The following PLEKHA6 variants were observed in gnomAD, a reference collection of about 807,000 sequenced individuals.
PLEKHA6 encodes pleckstrin homology domain-containing family A member 6.
PLEKHA6 carries 60 observed loss-of-function variants against 116.7 expected under a neutral mutation model. The ratio of observed to expected loss-of-function variants is 0.51; its 90% CI spans 0.42 to 0.64. The LOEUF (loss-of-function observed/expected upper bound fraction) is 0.64. PLEKHA6 is among the 30% of genes least tolerant of loss of function. The pLI is 0.00. For missense variants in PLEKHA6, 1,338 were observed against 1,422.7 expected, an observed-to-expected ratio of 0.94 and a Z score of 0.96; for synonymous variants, 489 against 556.1, an observed-to-expected ratio of 0.88 and a Z score of 1.70.
At chr1:204,356,432 T>C (rs549830869) in intron 1 of PLEKHA6, among the ~76,000 whole-genome samples, 1 of 152,118 alleles carries the variant, frequency 6.6e-6, no homozygotes, top group East Asian at 1.9e-4. Context: ...CCAGGTATGG[T>C]GACATGCACC....
In PLEKHA6 at chr1:204,241,494, A is replaced by C; in HGVS notation, c.2303-13T>G. The C allele has an allele frequency of 6.4e-7, 1 of 1,564,280 alleles. No individual in the cohort carries two copies. The highest frequency in any genetic ancestry group is 8.7e-7 in the Non-Finnish European group (1 of 1,150,546). On this transcript the variant is annotated splice_polypyrimidine_tract_variant and intron_variant, in intron 16 of 22. Coordinates refer to ENST00000272203, the MANE Select transcript of PLEKHA6 (RefSeq NM_014935.5). ...GGCACAACGCCAACTGCAGAAAGACAGAGTAGCCAGTGGGCCTCATGGAGA... is the reference window on the plus strand; with the variant it reads ...GGCACAACGCCAACTGCAGAAAGACCGAGTAGCCAGTGGGCCTCATGGAGA...
At chr1:204,298,769 T>G (rs1670534619) in intron 1 of PLEKHA6, among the ~76,000 whole-genome samples, 2 of 152,228 alleles carry the variant, frequency 1.3e-5, no homozygotes, top group Non-Finnish European at 2.9e-5. Context: ...TGTGGTTACA[T>G]GGGGTAGCCA....
intron 6 of PLEKHA6, chr1:204,262,219 G>A (rs1260740677): frequency 6.6e-6 from 1 of 152,386 alleles, no homozygotes; most frequent in Non-Finnish European, 1.5e-5. Context: ...ACCAAGGGGT[G>A]GGGAGTGGAG....
intron 1 of PLEKHA6, among the ~76,000 whole-genome samples, chr1:204,286,180 G>A (rs1381163659): frequency 6.6e-6 from 1 of 152,182 alleles, no homozygotes; most frequent in Admixed American, 6.5e-5. Flanking sequence ...GATAACCGGG[G>A]CTTACAGAGG....
rs1230061452 is a variant in PLEKHA6 at position 204,264,932 on chromosome 1, G to A, written c.381+10C>T. ...TCCCCACCTGCCCTGGGAAGGGAAG[G>A]CCAACTGACCTTAAACGTGTGTTTC... On this transcript the variant is annotated intron_variant, in intron 6 of 22. Transcript: ENST00000272203. 3 of 1,600,608 alleles carry A rather than the reference G, an allele frequency of 1.9e-6. No homozygotes were observed. Among genetic ancestry groups the A allele is most frequent in the African/African-American group, 1.3e-5 (1 of 74,638 alleles).
chr1:204,293,246 T>G (rs1022377469), intron 1 of PLEKHA6, among the ~76,000 whole-genome samples: 2 of 152,208 alleles, frequency 1.3e-5, no homozygotes, highest in Non-Finnish European at 2.9e-5. Context: ...GCGATTATCC[T>G]GCCTCAGCCT....
chr1:204,241,823 A>G lies in PLEKHA6; in HGVS notation c.2173-9T>C. ...TCATAGTTTGCCTTGGGCTGGGGAGAAAGGGTGAGAAGATGGTTGATGTTA... is the reference window on the plus strand; with the variant it reads ...TCATAGTTTGCCTTGGGCTGGGGAGGAAGGGTGAGAAGATGGTTGATGTTA... On this transcript the variant is annotated splice_polypyrimidine_tract_variant and intron_variant, in intron 15 of 22. Coordinates refer to ENST00000272203, the MANE Select transcript of PLEKHA6 (RefSeq NM_014935.5). 1 of 1,613,800 alleles carries G rather than the reference A, an allele frequency of 6.2e-7. No individual in the cohort carries two copies. Among genetic ancestry groups the G allele is most frequent in the Non-Finnish European group, 8.5e-7 (1 of 1,179,898 alleles).
intron 1 of PLEKHA6, among the ~76,000 whole-genome samples, chr1:204,308,076 T>C (rs1671464450): frequency 6.6e-6 from 1 of 152,198 alleles, no homozygotes; most frequent in African/African-American, 2.4e-5. Context: ...AGCTCCCCTT[T>C]CTTTTGTGCT....
At chr1:204,342,254 C>T (rs1029060523) in intron 1 of PLEKHA6, among the ~76,000 whole-genome samples, 1 of 152,184 alleles carries the variant, frequency 6.6e-6, no homozygotes, top group Non-Finnish European at 1.5e-5. Flanking sequence ...CGCTTGTAGT[C>T]CCAGCTATTC....
rs369838515 is a variant in PLEKHA6, at chr1:204,316,046, C to T, written c.-94-41237G>A. ...TTCCTCATAACTAAATGAAGCTGGA[C>T]GGGTATTTGGGGGCCAGACTGTGGA... On this transcript the variant is annotated intron_variant, in intron 1 of 22. Coordinates refer to ENST00000272203, the MANE Select transcript of PLEKHA6 (RefSeq NM_014935.5). Among the ~76,000 whole-genome samples, 273 of 152,160 alleles carry T rather than the reference C, an allele frequency of 1.8e-3. 7 individuals are homozygous for T. The South Asian group carries it at 0.053, about 30-fold the overall frequency.
In PLEKHA6 at chr1:204,228,771, G is replaced by C. The variant is rs1466188716; in HGVS notation, c.2842C>G (p.Gln948Glu). ...GTCTTGATCCTCTCCACCTTCTTCT[G>C]CTTCTCCTTCAACTCCTCAGGGCTC... ...PLSPEELKEK[Q>E]KKVERIKTLI... The change falls in exon 20 of 23, where the codon CAG becomes GAG. Residue 948 changes from glutamine to glutamate, a missense_variant. Gln to Glu is a conservative substitution (Grantham distance 29). Transcript: ENST00000272203. The surrounding 1 kb of genome is among the most constrained non-coding windows in gnomAD (Gnocchi z 4.0). 1.2e-6 allele frequency: 2 copies of C among 1,613,748 alleles called. No homozygotes were observed. Among genetic ancestry groups the C allele is most frequent in the African/African-American group, 2.7e-5 (2 of 74,856 alleles).
intron 1 of PLEKHA6, among the ~76,000 whole-genome samples, chr1:204,278,279 C>T (rs147009339): frequency 6.6e-6 from 1 of 152,348 alleles, no homozygotes; most frequent in East Asian, 1.9e-4. Context: ...GTAAAGAGTT[C>T]TAGCAAAGGA....
At chr1:204,348,941 A>C (rs765567901) in intron 1 of PLEKHA6, among the ~76,000 whole-genome samples, 14 of 152,198 alleles carry the variant, frequency 9.2e-5, no homozygotes, top group Non-Finnish European at 1.9e-4. Context: ...CCTCACAGTG[A>C]GGTCCAGTTG....
intron 1 of PLEKHA6, among the ~76,000 whole-genome samples, chr1:204,318,415 C>T (rs545813919): frequency 4.7e-4 from 72 of 152,290 alleles, no homozygotes; most frequent in African/African-American, 1.7e-3. Flanking sequence ...AGTAGCAGGG[C>T]CTGGATTTGA....
In PLEKHA6 at chr1:204,272,183, A is replaced by G. The variant is rs116105515; in HGVS notation, c.102+1443T>C. ...CTACTTTTCTGCACAAGTTGAGGAC[A>G]TCATGTGAGAGTCTCTTTAATTTCC... On this transcript the variant is annotated intron_variant, in intron 3 of 22. Coordinates refer to ENST00000272203, the MANE Select transcript of PLEKHA6 (RefSeq NM_014935.5). Among the ~76,000 whole-genome samples, 810 of 152,236 alleles carry G rather than the reference A, an allele frequency of 5.3e-3. 7 individuals carry two copies. Among genetic ancestry groups the G allele is most frequent in the Non-Finnish European group, 8.1e-3 (549 of 68,012 alleles).
intron 18 of PLEKHA6, 68 bp from the exon 19 acceptor site, chr1:204,229,172 T>G: frequency 6.7e-7 from 1 of 1,493,096 alleles, no homozygotes; most frequent in South Asian, 1.2e-5. Flanking sequence ...AGCTATGCCC[T>G]GTCCTCGCTT....
intron 1 of PLEKHA6, chr1:204,301,269 T>C: frequency 1.0e-6 from 1 of 981,532 alleles, no homozygotes; most frequent in Non-Finnish European, 1.2e-6. Context: ...TGACAGCGAG[T>C]CAAAGCACTT....
chr1:204,237,081 T>C (rs4951048), intron 17 of PLEKHA6, among the ~76,000 whole-genome samples: 61,215 of 152,072 alleles, frequency 0.4, 12,533 homozygotes, highest in East Asian at 0.5. Flanking sequence ...CTGATGTTGA[T>C]TCCAGGGGAC....
intron 10 of PLEKHA6, 36 bp from the exon 11 acceptor site, chr1:204,249,300 A>G: frequency 7.0e-7 from 1 of 1,430,040 alleles, no homozygotes; most frequent in Non-Finnish European, 9.9e-7. Context: ...AGAGGGAGAA[A>G]GAAGGGGATG....
Sources: allele counts gnomAD v4.1 joint callset (sites outside exome capture counted in the v4.1 genomes callset), GRCh38; gene constraint gnomAD v4.1.1; non-coding constraint Gnocchi (gnomAD v3.1); transcripts MANE v1.5; gene names NCBI Gene and HGNC (gene_info 2026-07-23, HGNC 2026-07-21).